The following NCKAP1 variants were observed in gnomAD, a reference collection of about 807,000 sequenced individuals.
NCKAP1 encodes the protein nck-associated protein 1.
In NCKAP1, 21 loss-of-function variants were observed where a neutral mutation model predicts 151.2. That is an observed-to-expected ratio of 0.14 (90% CI 0.10 to 0.20). The LOEUF (loss-of-function observed/expected upper bound fraction) is 0.20. Ranked by LOEUF, NCKAP1 falls within the 10% of genes least tolerant of loss-of-function variation. The probability of loss-of-function intolerance (pLI) is 1.00; values close to 1 mark genes in which losing one functional copy is unlikely to be tolerated. For missense variants in NCKAP1, 933 were observed against 1,352.1 expected (o/e 0.69, Z 4.86); for synonymous variants, 484 against 451.8 (o/e 1.07, Z -0.90).
chr2:183,000,833 C>T (rs966792115), intron 6 of NCKAP1, among the ~76,000 whole-genome samples: 2 of 152,152 alleles, frequency 1.3e-5, no homozygotes, highest in Non-Finnish European at 2.9e-5. Context: ...TGGCTCATGC[C>T]TGTAATCCTA....
chr2:183,021,656 C>A (rs1426363275), intron 2 of NCKAP1, among the ~76,000 whole-genome samples: 1 of 152,000 alleles, frequency 6.6e-6, no homozygotes, highest in Non-Finnish European at 1.5e-5. Context: ...CTTGGATAAA[C>A]CTTGAAAATA....
chr2:183,015,938 A>G (rs1403482912), intron 2 of NCKAP1, among the ~76,000 whole-genome samples: 2 of 152,120 alleles, frequency 1.3e-5, no homozygotes, highest in Admixed American at 1.3e-4. Flanking sequence ...AAAAATACTA[A>G]CAAAAAACAC....
At chr2:182,979,713 T>C (rs905424097) in intron 13 of NCKAP1, among the ~76,000 whole-genome samples, 2 of 152,104 alleles carry the variant, frequency 1.3e-5, no homozygotes, top group African/African-American at 4.8e-5. Context: ...GTGAAAAACA[T>C]TGTGAATATA....
At chr2:182,948,091 A>C (rs554575586) in intron 23 of NCKAP1, among the ~76,000 whole-genome samples, 4 of 152,286 alleles carry the variant, frequency 2.6e-5, no homozygotes, top group South Asian at 4.1e-4. Flanking sequence ...TTGAAGAACT[A>C]AATGATGAAG....
Position 182,924,051 on chromosome 2 carries a change from G to C in NCKAP1, c.*1651C>G, listed in dbSNP as rs557669242. The C allele has an allele frequency of 6.6e-6, 1 of 152,130 alleles. No homozygotes were observed. The highest frequency in any genetic ancestry group is 2.1e-4 in the South Asian group (1 of 4,814). 9.4% of individuals were successfully genotyped at this position (152,130 alleles called of 1,614,324 possible). On this transcript the variant is annotated 3_prime_UTR_variant, in exon 31 of 31. Coordinates refer to ENST00000361354, the MANE Select transcript of NCKAP1 (RefSeq NM_013436.5). ...AAGATCCTAATATTTCAAAACAAAC[G>C]GCATTAAATCTTAGTTTTGACTGCT... is the stretch of plus-strand genomic sequence containing the variant.
In NCKAP1 at chr2:182,964,742, G is replaced by A; in HGVS notation, c.1695C>T (p.Tyr565=). 1 of 1,610,592 alleles carries A rather than the reference G, an allele frequency of 6.2e-7. No individual in the cohort carries two copies. Among genetic ancestry groups the A allele is most frequent in the Non-Finnish European group, 8.5e-7 (1 of 1,178,020 alleles). The change falls in exon 17 of 31, where the codon TAC becomes TAT. Residue 565 remains tyrosine (Y), a synonymous_variant. Transcript: ENST00000361354. The stretch of plus-strand genomic sequence containing the variant: ...TGCAAAGTAGTGGAAATGCAATTGA[G>A]TATCTTGATTGAGAGGGTAACTCCA... ...QCLELPSQSR[Y]SIAFPLLCTH...
intron 16 of NCKAP1, 68 bp from the exon 17 acceptor site, chr2:182,964,876 A>G (rs1165581103): frequency 1.4e-5 from 17 of 1,220,204 alleles, no homozygotes; most frequent in Non-Finnish European, 1.9e-5. Flanking sequence ...AGTACCTTAC[A>G]GTTAATTTGA....
At position 182,924,099 on chromosome 2, in the gene NCKAP1, C is replaced by CAAAAT. The variant is rs1696594609; in HGVS notation, c.*1602_*1603insATTTT. On this transcript the variant is annotated 3_prime_UTR_variant, in exon 31 of 31. Coordinates refer to ENST00000361354, the MANE Select transcript of NCKAP1 (RefSeq NM_013436.5). ...GCTCACTGTGTAAATCAGACTATTT[C>CAAAAT]AGGTCTGAACTATGCCATTTTAAAA... is the stretch of plus-strand genomic sequence containing the variant. The CAAAAT allele has an allele frequency of 6.6e-6, 1 of 152,202 alleles. No homozygotes were observed. Among genetic ancestry groups the CAAAAT allele is most frequent in the Admixed American group, 6.6e-5 (1 of 15,266 alleles). 9.4% of individuals were successfully genotyped at this position (152,202 alleles called of 1,614,324 possible).
intron 1 of NCKAP1, among the ~76,000 whole-genome samples, chr2:183,030,014 A>G (rs1371139446): frequency 6.6e-6 from 1 of 152,172 alleles, no homozygotes; most frequent in African/African-American, 2.4e-5. Flanking sequence ...CTTGATCAAG[A>G]TTTCACAACT....
At chr2:182,932,387 T>C (rs531165864) in intron 26 of NCKAP1, among the ~76,000 whole-genome samples, 1 of 152,268 alleles carries the variant, frequency 6.6e-6, no homozygotes, top group East Asian at 1.9e-4. Context: ...TGATGATTTA[T>C]GTAAGTGTCC....
At chr2:182,980,549 A>G (rs1697916061) in intron 13 of NCKAP1, among the ~76,000 whole-genome samples, 1 of 152,118 alleles carries the variant, frequency 6.6e-6, no homozygotes, top group South Asian at 2.1e-4. Flanking sequence ...TATTTGGAAT[A>G]AAAAGTTTTT....
At chr2:183,008,498 T>C (rs1187095041) in intron 2 of NCKAP1, among the ~76,000 whole-genome samples, 1 of 151,200 alleles carries the variant, frequency 6.6e-6, no homozygotes, top group Non-Finnish European at 1.5e-5. Flanking sequence ...TCTTCTTTCA[T>C]GCTCCTCCAC....
chr2:183,021,714 A>G (rs1309067910), intron 2 of NCKAP1, among the ~76,000 whole-genome samples: 2 of 152,210 alleles, frequency 1.3e-5, no homozygotes, highest in Non-Finnish European at 2.9e-5. Context: ...ATATTACATT[A>G]TTCCTGATGA....
In NCKAP1 at chr2:182,911,607, C is replaced by G. The variant is rs1696396328; in HGVS notation, c.*14095G>C. 1.3e-5 allele frequency: 2 copies of G among 152,134 alleles called. No homozygotes were observed. Among genetic ancestry groups the G allele is most frequent in the Admixed American group, 6.6e-5 (1 of 15,258 alleles). The allele number at this position is 152,134 out of a possible 1,614,324, so 9.4% of individuals were successfully genotyped here. A position where few individuals can be genotyped will look rare whatever the true frequency, so the allele number is the denominator to read the frequency against. ...ATTTCAGTCATCTATGAATGGCCAT[C>G]ATAATGATTTGAAACTAGCAAAGTT... On this transcript the variant is annotated 3_prime_UTR_variant, in exon 31 of 31. Coordinates refer to ENST00000361354, the MANE Select transcript of NCKAP1 (RefSeq NM_013436.5).
intron 20 of NCKAP1, among the ~76,000 whole-genome samples, chr2:182,954,426 T>C (rs933304340): frequency 6.6e-6 from 1 of 152,162 alleles, no homozygotes; most frequent in African/African-American, 2.4e-5. Flanking sequence ...CTTGTATTTG[T>C]AAGGATGAAT....
intron 30 of NCKAP1, among the ~76,000 whole-genome samples, chr2:182,926,399 G>T (rs1307613115): frequency 1.3e-5 from 2 of 152,036 alleles, no homozygotes; most frequent in East Asian, 3.9e-4. Flanking sequence ...GTAGAAACAA[G>T]CAAGAGCTGG....
At position 182,962,211 on chromosome 2, in the gene NCKAP1, G is replaced by A; in HGVS notation, c.1829C>T (p.Ala610Val). 1 of 1,612,794 alleles carries A rather than the reference G, an allele frequency of 6.2e-7. No individual in the cohort carries two copies. Among genetic ancestry groups the A allele is most frequent in the Non-Finnish European group, 8.5e-7 (1 of 1,179,144 alleles). The change falls in exon 18 of 31, where the codon GCT becomes GTT. Residue 610 changes from alanine (A) to valine (V), a missense_variant. Physicochemically the swap from Ala to Val is moderately conservative, Grantham distance 64. This residue lies in a region of NCKAP1 where 607 missense variants were observed against 795.0 expected (regional missense o/e 0.76). Transcript: ENST00000361354. Reference protein sequence around the residue: ...NMFLDEMAKQARNLITDICTE... With the variant: ...NMFLDEMAKQVRNLITDICTE... Reference sequence around the variant, plus strand: ...GCAAATATCAGTGATGAGATTTCGAGCTTGTTTGGCCATTTCATCTAGGAA... The same window carrying A: ...GCAAATATCAGTGATGAGATTTCGAACTTGTTTGGCCATTTCATCTAGGAA...
At chr2:183,033,939 T>G (rs541170876) in intron 1 of NCKAP1, among the ~76,000 whole-genome samples, 5 of 152,364 alleles carry the variant, frequency 3.3e-5, no homozygotes, top group Admixed American at 6.5e-5. Flanking sequence ...TAAAAAATTT[T>G]AAAGTTACTT....
intron 8 of NCKAP1, among the ~76,000 whole-genome samples, chr2:182,992,217 T>G (rs751202857): frequency 2.0e-5 from 3 of 152,178 alleles, no homozygotes; most frequent in Non-Finnish European, 2.9e-5. Flanking sequence ...CTAGTCTGGG[T>G]AGTAGTTCCA....
Sources: allele counts gnomAD v4.1 joint callset (sites outside exome capture counted in the v4.1 genomes callset), GRCh38; gene constraint gnomAD v4.1.1; regional missense constraint gnomAD v4.1.1; transcripts MANE v1.5; gene names NCBI Gene and HGNC (gene_info 2026-07-23, HGNC 2026-07-21).